The following DOK7 variants were observed in gnomAD, a reference collection of about 807,000 sequenced individuals.
DOK7 encodes docking protein 7.
A neutral mutation model predicts 30.7 loss-of-function variants in DOK7; 32 were observed. The ratio of observed to expected loss-of-function variants is 1.04; its 90% CI spans 0.79 to 1.40. The LOEUF (loss-of-function observed/expected upper bound fraction) is 1.40, where lower values mean the gene tolerates loss of function less well. Ranked by LOEUF, DOK7 falls within the 40% of genes most tolerant of loss-of-function variation. The pLI is 0.00. For synonymous variants in DOK7, 447 were observed against 324.1 expected, an observed-to-expected ratio of 1.38 and a Z score of -4.07; for missense variants, 1,007 against 699.2, an observed-to-expected ratio of 1.44 and a Z score of -4.97.
In DOK7 at chr4:3,494,314, T is replaced by C. The variant is rs1047360735; in HGVS notation, c.*813T>C. On this transcript the variant is annotated 3_prime_UTR_variant, in exon 7 of 7. Transcript: ENST00000340083. ...CCCCTGCGTCGGAGGTGGGGCTGTG[T>C]TGGGCCCATTGTCCCCCGCCCTGGG... 7 of 985,646 alleles carry C rather than the reference T, an allele frequency of 7.1e-6. No individual in the cohort carries two copies. Among genetic ancestry groups the C allele is most frequent in the African/African-American group, 5.2e-5 (3 of 57,264 alleles). The allele number at this position is 985,646 out of a possible 1,614,324, so 61.1% of individuals were successfully genotyped here. A position where few individuals can be genotyped will look rare whatever the true frequency, so the allele number is the denominator to read the frequency against.
intron 2 of DOK7, among the ~76,000 whole-genome samples, chr4:3,468,463 T>A (rs1164433867): frequency 6.6e-6 from 1 of 151,598 alleles, no homozygotes; most frequent in Non-Finnish European, 1.5e-5. Flanking sequence ...TGTGTGTGCA[T>A]GTATGTGTGC....
intron 2 of DOK7, among the ~76,000 whole-genome samples, chr4:3,469,656 G>A (rs1215122819): frequency 6.6e-6 from 1 of 152,176 alleles, no homozygotes; most frequent in Non-Finnish European, 1.5e-5. Flanking sequence ...CACGTGCTGT[G>A]TCCCAGGGAG....
intron 2 of DOK7, among the ~76,000 whole-genome samples, chr4:3,464,326 C>T (rs1726150459): frequency 6.6e-6 from 1 of 152,280 alleles, no homozygotes; most frequent in East Asian, 1.9e-4. Context: ...GGGTGTGGGG[C>T]AGGGATCCCT....
chr4:3,484,604 C>T (rs145548589), intron 4 of DOK7: 19 of 985,512 alleles, frequency 1.9e-5, no homozygotes, highest in Middle Eastern at 5.2e-4. Context: ...CCCCGTGACT[C>T]GCAGCTGGGG....
chr4:3,465,564 C>T (rs940371130), intron 2 of DOK7, among the ~76,000 whole-genome samples: 2 of 152,232 alleles, frequency 1.3e-5, no homozygotes, highest in East Asian at 1.9e-4. Flanking sequence ...CGATGTGCAC[C>T]TTTTCCACTG....
rs557787246 is a variant in DOK7, at chr4:3,494,247, A to C, written c.*746A>C. ...CCTGTCTGAACCTCCTCGCAGGGCCAAAGGCTGGCTTGGCCTGTGTTTCCC... is the reference window on the plus strand; with the variant it reads ...CCTGTCTGAACCTCCTCGCAGGGCCCAAGGCTGGCTTGGCCTGTGTTTCCC... On this transcript the variant is annotated 3_prime_UTR_variant, in exon 7 of 7. Transcript: ENST00000340083. 2 of 985,516 alleles carry C rather than the reference A, an allele frequency of 2.0e-6. No homozygotes were observed. Among genetic ancestry groups the C allele is most frequent in the South Asian group, 4.7e-5 (1 of 21,290 alleles). 61.0% of individuals were successfully genotyped at this position (985,516 alleles called of 1,614,324 possible). A position where few individuals can be genotyped will look rare whatever the true frequency, so the allele number is the denominator to read the frequency against.
chr4:3,483,876 A>C (rs192860264), intron 4 of DOK7, among the ~76,000 whole-genome samples: 1 of 152,270 alleles, frequency 6.6e-6, no homozygotes, highest in Non-Finnish European at 1.5e-5. Context: ...GGCCTGGTGC[A>C]GGCTCTCTTC....
rs531019917 is a variant in DOK7, at chr4:3,472,627, G to C, written c.101-779G>C. Among the ~76,000 whole-genome samples, 313 of 152,336 alleles carry C rather than the reference G, an allele frequency of 2.1e-3. 1 individual carries two copies. Among genetic ancestry groups the C allele is most frequent in the African/African-American group, 4.3e-3 (180 of 41,578 alleles). ...AGGTGGTTTGCCCAAGGCCACACAG[G>C]GACTGTGCTGTGCCAGGTTTGAGCT... On this transcript the variant is annotated intron_variant, in intron 2 of 6. Coordinates refer to ENST00000340083, the MANE Select transcript of DOK7 (RefSeq NM_173660.5).
Position 3,463,398 on chromosome 4 carries a change from A to T in DOK7, c.23A>T (p.Glu8Val). The T allele has an allele frequency of 7.7e-7, 1 of 1,299,254 alleles. No individual in the cohort carries two copies. The highest frequency in any genetic ancestry group is 9.7e-7 in the Non-Finnish European group (1 of 1,027,432). 80.5% of individuals were successfully genotyped at this position (1,299,254 alleles called of 1,614,324 possible). The change falls in exon 1 of 7, where the codon GAG (glutamate) becomes GTG (valine). Residue 8 changes from glutamate to valine, a missense_variant. Transcript: ENST00000340083. ...AAGATGACCGAGGCGGCGCTGGTGG[A>T]GGGCCAGGTCAAGCTGCGGGACGGC... MTEAALV[E>V]GQVKLRDGKK...
At chr4:3,476,039 A>C (rs998186441) in intron 3 of DOK7, among the ~76,000 whole-genome samples, 12 of 147,190 alleles carry the variant, frequency 8.2e-5, no homozygotes, top group African/African-American at 2.3e-4. Flanking sequence ...GGCTGCCCCC[A>C]CCTGCCCCAG....
chr4:3,476,602 C>A, intron 4 of DOK7, 60 bp downstream of exon 4: 1 of 1,605,502 alleles, frequency 6.2e-7, no homozygotes, highest in Non-Finnish European at 8.5e-7. Context: ...CCCCTGAGAA[C>A]TGCTGGCTTC....
rs560882592 is a variant in DOK7 at position 3,492,948 on chromosome 4, C to T, written c.962C>T (p.Pro321Leu). The change falls in exon 7 of 7, where the codon CCG becomes CTG. Residue 321 changes from proline to leucine, a missense_variant. By Grantham distance (98) the Pro-to-Leu change is moderately conservative (BLOSUM62 -3). Transcript: ENST00000340083. ...GGTGCCTCAAGGCCACCCCCCAAGC[C>T]GCTGCGTCCGCGGCAGCTGCAGGAG... The part of the protein sequence containing the change: ...MVGASRPPPK[P>L]LRPRQLQEVG... The T allele has an allele frequency of 1.5e-4, 234 of 1,553,754 alleles. No homozygotes were observed. Among genetic ancestry groups the T allele is most frequent in the South Asian group, 1.1e-3 (96 of 85,350 alleles).
chr4:3,495,324 GTCT>G (rs10549875), downstream of DOK7, among the ~76,000 whole-genome samples: 13,187 of 152,220 alleles, frequency 0.087, 1,733 homozygotes, highest in African/African-American at 0.29. Flanking sequence ...CTTCCCGCTA[GTCT>G]TCATCATCCA....
chr4:3,480,995 C>G (rs1727410484), intron 4 of DOK7, among the ~76,000 whole-genome samples: 1 of 151,994 alleles, frequency 6.6e-6, no homozygotes, highest in Non-Finnish European at 1.5e-5. Flanking sequence ...GTTAGCTCAG[C>G]TGTCAGAGGG....
intron 5 of DOK7, among the ~76,000 whole-genome samples, chr4:3,488,590 G>A (rs536665686): frequency 1.7e-4 from 26 of 152,318 alleles, no homozygotes; most frequent in African/African-American, 5.8e-4. Flanking sequence ...TGTACCTTCT[G>A]GTCCTCTGTG....
downstream of DOK7, among the ~76,000 whole-genome samples, chr4:3,497,949 T>C (rs998929238): frequency 6.6e-6 from 1 of 152,120 alleles, no homozygotes; most frequent in Non-Finnish European, 1.5e-5. Context: ...AGATGTCTTT[T>C]ACCCAGACAG....
intron 6 of DOK7, 88 bp downstream of exon 6, chr4:3,489,884 T>C: frequency 1.3e-6 from 2 of 1,507,638 alleles, no homozygotes; most frequent in Non-Finnish European, 1.8e-6. Flanking sequence ...GTGTGGGGGC[T>C]GCAGGCTCCC....
Position 3,492,863 on chromosome 4 carries a change from A to G in DOK7, c.877A>G (p.Ser293Gly), listed in dbSNP as rs1728587659. Residue 293 changes from serine (S) to glycine (G), a missense_variant, in exon 7 of 7, where the codon AGC (serine) becomes GGC (glycine). Physicochemically the swap from Ser to Gly is moderately conservative, Grantham distance 56. Transcript: ENST00000340083. ...GCCAGAGCAATCCTCGTCGTCAGCC[A>G]GCACGTCACAGGAGGGGCCTAGACC... Reference protein sequence around the residue: ...AWPEQSSSSASTSQEGPRPAA... With the variant: ...AWPEQSSSSAGTSQEGPRPAA... 1 of 1,608,858 alleles carries G rather than the reference A, an allele frequency of 6.2e-7. No individual in the cohort carries two copies.
chr4:3,476,681 T>C, intron 4 of DOK7, 139 bp downstream of exon 4: 1 of 1,122,740 alleles, frequency 8.9e-7, no homozygotes, highest in Non-Finnish European at 1.3e-6. Context: ...GTGGACGGAG[T>C]CTCCCCACGC....
Sources: allele counts gnomAD v4.1 joint callset (sites outside exome capture counted in the v4.1 genomes callset), GRCh38; gene constraint gnomAD v4.1.1; transcripts MANE v1.5; gene names NCBI Gene and HGNC (gene_info 2026-07-23, HGNC 2026-07-21).